The following SCAMP4 variants were observed in gnomAD, a reference collection of about 807,000 sequenced individuals.
The protein encoded by SCAMP4 is secretory carrier membrane protein 4.
A neutral mutation model predicts 32.1 loss-of-function variants in SCAMP4; 19 were observed. The ratio of observed to expected loss-of-function variants is 0.59; its 90% confidence interval spans 0.41 to 0.87. The LOEUF (loss-of-function observed/expected upper bound fraction) is 0.87, where lower values mean the gene tolerates loss of function less well. Ranked by LOEUF, SCAMP4 falls within the 40% of genes least tolerant of loss-of-function variation. The pLI is 0.00. For missense variants in SCAMP4, 302 were observed against 309.0 expected, an observed-to-expected ratio of 0.98 and a Z score of 0.17; for synonymous variants, 152 against 132.7, an observed-to-expected ratio of 1.15 and a Z score of -1.00.
At position 1,924,100 on chromosome 19, in the gene SCAMP4, C is replaced by G. The variant is rs1349657042; in HGVS notation, c.514-8C>G. 8.1e-6 allele frequency: 13 copies of G among 1,596,716 alleles called. No homozygotes were observed. The highest frequency in any genetic ancestry group is 1.1e-5 in the Non-Finnish European group (13 of 1,175,290). On this transcript the variant is annotated splice_region_variant and splice_polypyrimidine_tract_variant and intron_variant, in intron 6 of 6. Coordinates refer to ENST00000316097, the MANE Select transcript of SCAMP4 (RefSeq NM_079834.4). The stretch of plus-strand genomic sequence containing the variant: ...TGTCTTCTGCCTCCCTGTCCTCTGT[C>G]CTTGCAGGTGCACAGGATCTACCGA...
At chr19:1,922,635 C>T in intron 5 of SCAMP4, 2 of 986,154 alleles carry the variant, frequency 2.0e-6, no homozygotes, top group Non-Finnish European at 2.4e-6. Context: ...TTCAGCAGTT[C>T]CCATCATTAG....
Position 1,913,176 on chromosome 19 carries a change from C to T in SCAMP4, c.-41-1803C>T, listed in dbSNP as rs530048509. On this transcript the variant is annotated intron_variant, in intron 1 of 6. Coordinates refer to ENST00000316097, the MANE Select transcript of SCAMP4 (RefSeq NM_079834.4). ...GGCGCCGCCCTCCTGCCTCCGGACC[C>T]TTCCCGCTCCCGGCCGTGGGGCGCC... is the stretch of plus-strand genomic sequence containing the variant. 179 of 1,489,218 alleles carry T rather than the reference C, an allele frequency of 1.2e-4. No homozygotes were observed. In the South Asian group the frequency reaches 2.3e-3, roughly 19 times the overall value. The allele number at this position is 1,489,218 out of a possible 1,614,324, so 92.3% of individuals were successfully genotyped here.
At chr19:1,912,092 G>A (rs767434351) in intron 1 of SCAMP4, 40 of 1,481,452 alleles carry the variant, frequency 2.7e-5, no homozygotes, top group Non-Finnish European at 3.2e-5. Context: ...CGGCCTCGCT[G>A]AGGATGGAGC....
At chr19:1,923,281 GC>G in intron 6 of SCAMP4, 94 bp downstream of exon 6, 1 of 1,095,360 alleles carries the variant, frequency 9.1e-7, no homozygotes. Context: ...GAGGAGCCGG[GC>G]CCTCTCCCCA....
At chr19:1,909,232 G>T (rs536020680) in intron 1 of SCAMP4, among the ~76,000 whole-genome samples, 1 of 152,270 alleles carries the variant, frequency 6.6e-6, no homozygotes, top group South Asian at 2.1e-4. Context: ...TGGTTTGGGG[G>T]TGTTCAGGTG....
intron 1 of SCAMP4, chr19:1,911,745 T>G (rs2013459474): frequency 7.2e-6 from 2 of 277,006 alleles, no homozygotes; most frequent in Non-Finnish European, 1.3e-5. Flanking sequence ...ATCATGCCAC[T>G]GTACTCCAGC....
At chr19:1,912,807 C>A in intron 1 of SCAMP4, 1 of 1,580,290 alleles carries the variant, frequency 6.3e-7, no homozygotes. Context: ...CGGCCAGGGC[C>A]GCGGCACCTA....
chr19:1,909,946 C>T (rs543791159), intron 1 of SCAMP4, among the ~76,000 whole-genome samples: 5 of 152,326 alleles, frequency 3.3e-5, no homozygotes, highest in Admixed American at 1.3e-4. Context: ...AGCCCTTGGC[C>T]GACTAGGGGG....
At position 1,912,626 on chromosome 19, in the gene SCAMP4, G is replaced by A. The variant is rs765891253; in HGVS notation, c.-41-2353G>A. 2.7e-5 allele frequency: 39 copies of A among 1,450,288 alleles called. 1 individual carries two copies. The South Asian group carries it at 4.7e-4, about 18-fold the overall frequency. The allele number at this position is 1,450,288 out of a possible 1,614,324, so 89.8% of individuals were successfully genotyped here. A position where few individuals can be genotyped will look rare whatever the true frequency, so the allele number is the denominator to read the frequency against. ...AGCGCGCCGCCATGCAGAGCCACAT[G>A]GAGCGGGCGGTGTGGGCGGCCCGGC... On this transcript the variant is annotated intron_variant, in intron 1 of 6. Transcript: ENST00000316097.
At chr19:1,919,837 T>C (rs2013862894) in intron 5 of SCAMP4, among the ~76,000 whole-genome samples, 2 of 147,406 alleles carry the variant, frequency 1.4e-5, no homozygotes, top group Non-Finnish European at 3.0e-5. Flanking sequence ...TGAGATGGAG[T>C]CGCTCTCTGT....
In SCAMP4 at chr19:1,924,968, C is replaced by T. The variant is rs2014052440; in HGVS notation, c.*684C>T. ...TCCCTGGCAGGCTGTCTTTCCACGC[C>T]CCTGAGTTCAGAGTCGGGGACCCAG... On this transcript the variant is annotated 3_prime_UTR_variant, in exon 7 of 7. Coordinates refer to ENST00000316097, the MANE Select transcript of SCAMP4 (RefSeq NM_079834.4). 1 of 152,526 alleles carries T rather than the reference C, an allele frequency of 6.6e-6. No individual in the cohort carries two copies. Among genetic ancestry groups the T allele is most frequent in the Non-Finnish European group, 1.5e-5 (1 of 68,280 alleles). 9.4% of individuals were successfully genotyped at this position (152,526 alleles called of 1,614,324 possible). A position where few individuals can be genotyped will look rare whatever the true frequency, so the allele number is the denominator to read the frequency against.
chr19:1,917,399 G>A (rs1011175125), intron 2 of SCAMP4, among the ~76,000 whole-genome samples: 2 of 152,210 alleles, frequency 1.3e-5, no homozygotes, highest in Non-Finnish European at 2.9e-5. Context: ...GCTGTAGGCC[G>A]GTTCCCGCCT....
At chr19:1,906,923 C>G (rs897359041) in intron 1 of SCAMP4, 1 of 150,350 alleles carries the variant, frequency 6.7e-6, no homozygotes, top group East Asian at 2.0e-4. Context: ...CGCAGTGGCT[C>G]ACGCCTGTAA....
At chr19:1,905,974 T>G (rs940639341) in intron 1 of SCAMP4, 3 of 152,156 alleles carry the variant, frequency 2.0e-5, no homozygotes, top group African/African-American at 7.2e-5. Context: ...CCCCCAGTTA[T>G]CTCCCACACA....
chr19:1,920,898 C>T, intron 5 of SCAMP4: 33 of 985,390 alleles, frequency 3.3e-5, no homozygotes, highest in Non-Finnish European at 4.0e-5. Flanking sequence ...CCCCCTCGGC[C>T]CTCGTGCACG....
Position 1,908,999 on chromosome 19 carries a change from G to C in SCAMP4, c.-42+3560G>C, listed in dbSNP as rs996479524. On this transcript the variant is annotated intron_variant, in intron 1 of 6. Transcript: ENST00000316097. This position sits in a 1 kb window ranked among gnomAD's most constrained non-coding sequence, Gnocchi z 4.2. Reference sequence around the variant, plus strand: ...ATGTGCCTGTATTCCCAGCTACTAGGGGGGCTGAGGCAGGAGAATCGCTTG... The same window carrying C: ...ATGTGCCTGTATTCCCAGCTACTAGCGGGGCTGAGGCAGGAGAATCGCTTG... Among the ~76,000 whole-genome samples the C allele has an allele frequency of 6.6e-6, 1 of 152,056 alleles. No individual in the cohort carries two copies. The highest frequency in any genetic ancestry group is 1.5e-5 in the Non-Finnish European group (1 of 68,030).
rs752360082 is a variant in SCAMP4, at chr19:1,912,069, TGTCTCCCACAGTCG to T, written c.-41-2908_-41-2895del. 274 of 1,440,024 alleles carry T rather than the reference TGTCTCCCACAGTCG, an allele frequency of 1.9e-4. No individual in the cohort carries two copies. Among genetic ancestry groups the T allele is most frequent in the Non-Finnish European group, 2.4e-4 (264 of 1,102,108 alleles). 89.2% of individuals were successfully genotyped at this position (1,440,024 alleles called of 1,614,324 possible). On this transcript the variant is annotated intron_variant, in intron 1 of 6. Transcript: ENST00000316097. Reference sequence around the variant, plus strand: ...CCGGATGATCCTCTGCTCCCGTCTCTGTCTCCCACAGTCGGCCTCGCTGAGGATGGAGCCCGCCC... The same window carrying T: ...CCGGATGATCCTCTGCTCCCGTCTCTGCCTCGCTGAGGATGGAGCCCGCCC...
chr19:1,914,777 G>A (rs2013672436), intron 1 of SCAMP4, among the ~76,000 whole-genome samples: 1 of 152,190 alleles, frequency 6.6e-6, no homozygotes, highest in Non-Finnish European at 1.5e-5. Context: ...TTGCCAGCAT[G>A]GGTGGTGTGC....
At chr19:1,909,755 G>T (rs759811367) in intron 1 of SCAMP4, among the ~76,000 whole-genome samples, 8 of 152,228 alleles carry the variant, frequency 5.3e-5, no homozygotes, top group Non-Finnish European at 8.8e-5. Flanking sequence ...ACTCCAGCCA[G>T]GGCCTCCTCT....
Sources: gnomAD v4.1 joint callset for allele counts (sites outside exome capture counted in the v4.1 genomes callset) on GRCh38, gnomAD v4.1.1 for gene constraint, Gnocchi (gnomAD v3.1) non-coding constraint, MANE v1.5 for transcripts, NCBI Gene and HGNC (gene_info 2026-07-23, HGNC 2026-07-21) for gene names.